LRRN1: variants seen among roughly 807,000 people sequenced by gnomAD.
The protein encoded by LRRN1 is leucine rich repeat neuronal 1.
A neutral mutation model predicts 45.8 loss-of-function variants in LRRN1; 14 were observed. That is an observed-to-expected ratio of 0.31 (90% confidence interval 0.20 to 0.48). The LOEUF is 0.48. LRRN1 is among the 20% of genes least tolerant of loss of function. LRRN1 has a pLI of 0.99. For missense variants in LRRN1, 789 were observed against 874.2 expected (o/e 0.90, Z 1.23); for synonymous variants, 359 against 330.1 (o/e 1.09, Z -0.95).
At chr3:3,822,836 T>A (rs997162358) in intron 1 of LRRN1, 1 of 152,202 alleles carries the variant, frequency 6.6e-6, no homozygotes, top group African/African-American at 2.4e-5. Context: ...AGTTTGCAAG[T>A]TGAGCCTTCC....
intron 1 of LRRN1, among the ~76,000 whole-genome samples, chr3:3,820,963 C>CT (rs1269398245): frequency 3.3e-5 from 5 of 152,210 alleles, no homozygotes; most frequent in African/African-American, 1.2e-4. Flanking sequence ...GCTGGATCCT[C>CT]TGAGCCTGTG....
At chr3:3,834,416 C>T (rs987344535) in intron 1 of LRRN1, among the ~76,000 whole-genome samples, 6 of 149,300 alleles carry the variant, frequency 4.0e-5, no homozygotes, top group African/African-American at 1.5e-4. Flanking sequence ...CAGCCAACTC[C>T]AGAAACCCCA....
intron 1 of LRRN1, among the ~76,000 whole-genome samples, chr3:3,833,160 G>T (rs933177276): frequency 6.6e-6 from 1 of 152,178 alleles, no homozygotes; most frequent in Non-Finnish European, 1.5e-5. Flanking sequence ...CAGGGCATTG[G>T]TCAAGGCTAT....
chr3:3,799,809 GTCC>G lies in LRRN1; in HGVS notation c.-374_-372del, dbSNP rs558996096. The G allele has an allele frequency of 4.2e-4, 68 of 160,894 alleles. No homozygotes were observed. Among genetic ancestry groups the G allele is most frequent in the South Asian group, 2.2e-3 (16 of 7,148 alleles). 10.0% of individuals were successfully genotyped at this position (160,894 alleles called of 1,614,324 possible). ...CTGGGAAGGAGGCGCCGCTCAGCTA[GTCC>G]TCCTCCTCCTCCTCGTCTTTCTCCT... On this transcript the variant is annotated 5_prime_UTR_variant, in exon 1 of 2. Coordinates refer to ENST00000319331, the MANE Select transcript of LRRN1 (RefSeq NM_020873.7).
At chr3:3,809,514 G>A (rs73016429) in intron 1 of LRRN1, among the ~76,000 whole-genome samples, 3,741 of 152,294 alleles carry the variant, frequency 0.025, 68 homozygotes, top group Non-Finnish European at 0.038. Flanking sequence ...CTTGAGATTC[G>A]CTTCTAAGGA....
Position 3,847,563 on chromosome 3 carries a change from C to T in LRRN1, c.*771C>T, listed in dbSNP as rs1467576312. 1 of 166,886 alleles carries T rather than the reference C, an allele frequency of 6.0e-6. No individual in the cohort carries two copies. The highest frequency in any genetic ancestry group is 6.5e-5 in the Admixed American group (1 of 15,274). 10.3% of individuals were successfully genotyped at this position (166,886 alleles called of 1,614,324 possible). On this transcript the variant is annotated 3_prime_UTR_variant, in exon 2 of 2. Coordinates refer to ENST00000319331, the MANE Select transcript of LRRN1 (RefSeq NM_020873.7). ...GTTTGTTGTGTTTAACTCACCAACA[C>T]GTGGTGTATAATGAAGACAGAACTA...
chr3:3,827,345 A>C, intron 1 of LRRN1: 2 of 398,888 alleles, frequency 5.0e-6, no homozygotes, highest in East Asian at 1.5e-4. Flanking sequence ...GCCCTTGTTA[A>C]GTATCACAAT....
intron 1 of LRRN1, among the ~76,000 whole-genome samples, chr3:3,832,877 G>A (rs754236222): frequency 5.9e-5 from 9 of 152,162 alleles, no homozygotes; most frequent in Non-Finnish European, 8.8e-5. Flanking sequence ...TAGGAACACC[G>A]TGATTAATTA....
rs550198899 is a variant in LRRN1 at position 3,845,560 on chromosome 3, G to A, written c.919G>A (p.Ala307Thr). 1.9e-6 allele frequency: 3 copies of A among 1,614,084 alleles called. No homozygotes were observed. The highest frequency in any genetic ancestry group is 2.2e-5 in the East Asian group (1 of 44,868). Residue 307 changes from alanine to threonine, a missense_variant, in exon 2 of 2, where the codon GCC becomes ACC. By Grantham distance (58) the Ala-to-Thr change is moderately conservative. Coordinates refer to ENST00000319331, the MANE Select transcript of LRRN1 (RefSeq NM_020873.7). This position sits in a 1 kb window ranked among gnomAD's most constrained non-coding sequence, Gnocchi z 6.5. Reference sequence around the variant, plus strand: ...CGAGCTCGTTTCTGTCGACCGCTATGCCCTGGATAACTTGCCTGAACTCAC... The same window carrying A: ...CGAGCTCGTTTCTGTCGACCGCTATACCCTGGATAACTTGCCTGAACTCAC... ...MGELVSVDRY[A>T]LDNLPELTKL... is the part of the protein sequence containing the mutation.
intron 1 of LRRN1, among the ~76,000 whole-genome samples, chr3:3,840,819 A>T (rs1320916029): frequency 1.3e-5 from 2 of 152,188 alleles, no homozygotes; most frequent in Non-Finnish European, 2.9e-5. Context: ...AAATTTGAAC[A>T]TTTCAACACA....
intron 1 of LRRN1, among the ~76,000 whole-genome samples, chr3:3,803,406 G>T (rs1435278291): frequency 1.3e-5 from 2 of 152,156 alleles, no homozygotes; most frequent in African/African-American, 4.8e-5. Context: ...AGTTTTACGA[G>T]ACTTGCACAA....
rs1298518137 is a variant in LRRN1 at position 3,848,856 on chromosome 3, C to A, written c.*2064C>A. Among the ~76,000 whole-genome samples, 1 of 152,144 alleles carries A rather than the reference C, an allele frequency of 6.6e-6. No individual in the cohort carries two copies. Among genetic ancestry groups the A allele is most frequent in the Non-Finnish European group, 1.5e-5 (1 of 68,024 alleles). ...TTGCAGTTCTGAATAACCTCTAGTG[C>A]CCCTGCTTCAAAAATGCAGTACATC... On this transcript the variant is annotated 3_prime_UTR_variant, in exon 2 of 2. Coordinates refer to ENST00000319331, the MANE Select transcript of LRRN1 (RefSeq NM_020873.7).
chr3:3,815,630 C>T (rs994366796), intron 1 of LRRN1, among the ~76,000 whole-genome samples: 1 of 152,174 alleles, frequency 6.6e-6, no homozygotes, highest in Admixed American at 6.5e-5. Flanking sequence ...TAGCATACTA[C>T]TTAATGTTGC....
intron 1 of LRRN1, among the ~76,000 whole-genome samples, chr3:3,833,079 T>G (rs1381359916): frequency 6.6e-6 from 1 of 152,202 alleles, no homozygotes; most frequent in African/African-American, 2.4e-5. Context: ...CACCGTTAGA[T>G]CTGACATACA....
chr3:3,828,488 C>G (rs1419155784), intron 1 of LRRN1, among the ~76,000 whole-genome samples: 1 of 151,386 alleles, frequency 6.6e-6, no homozygotes, highest in Admixed American at 6.6e-5. Flanking sequence ...TTGGCAACAC[C>G]CACACACACA....
In LRRN1 at chr3:3,814,449, G is replaced by A. The variant is rs9883245; in HGVS notation, c.-279+14530G>A. Among the ~76,000 whole-genome samples the A allele has an allele frequency of 1.8e-4, 28 of 151,610 alleles. 1 individual carries two copies. Among genetic ancestry groups the A allele is most frequent in the African/African-American group, 6.8e-4 (28 of 41,212 alleles). ...CTTCTTGTTGGGTTCTGCATCCTGC[G>A]GTAGCTCACTCAGGGTTGTTTGCCC... On this transcript the variant is annotated intron_variant, in intron 1 of 1. Transcript: ENST00000319331.
intron 1 of LRRN1, among the ~76,000 whole-genome samples, chr3:3,814,409 T>C (rs1692946051): frequency 6.6e-6 from 1 of 151,614 alleles, no homozygotes; most frequent in Admixed American, 6.6e-5. Flanking sequence ...CATAAATGGG[T>C]CCCTTGCCAT....
Position 3,811,791 on chromosome 3 carries a change from C to G in LRRN1, c.-279+11872C>G, listed in dbSNP as rs114371674. On this transcript the variant is annotated intron_variant, in intron 1 of 1. Coordinates refer to ENST00000319331, the MANE Select transcript of LRRN1 (RefSeq NM_020873.7). The stretch of plus-strand genomic sequence containing the variant: ...GAAGAAAATGTACATGGTGTTATTT[C>G]TGTCCAGATGAGCTTCCAGACTCAT... Among the ~76,000 whole-genome samples, 995 of 152,294 alleles carry G rather than the reference C, an allele frequency of 6.5e-3. 14 individuals carry two copies. Among genetic ancestry groups the G allele is most frequent in the African/African-American group, 0.023 (941 of 41,564 alleles).
chr3:3,824,161 A>G (rs556025991), intron 1 of LRRN1, among the ~76,000 whole-genome samples: 1 of 152,352 alleles, frequency 6.6e-6, no homozygotes, highest in Admixed American at 6.5e-5. Flanking sequence ...AGTTGACATC[A>G]TTGTAAAGAA....
Sources: gnomAD v4.1 joint callset for allele counts (sites outside exome capture counted in the v4.1 genomes callset) on GRCh38, gnomAD v4.1.1 for gene constraint, Gnocchi (gnomAD v3.1) non-coding constraint, MANE v1.5 for transcripts, NCBI Gene and HGNC (gene_info 2026-07-23, HGNC 2026-07-21) for gene names.